Variants in ADCY8 observed in about 807,000 individuals in gnomAD.
The protein encoded by ADCY8 is adenylate cyclase type 8.
In ADCY8, 51 loss-of-function variants were observed where a neutral mutation model predicts 119.7. That is an observed-to-expected ratio of 0.43 (90% CI 0.34 to 0.54). ADCY8 has a LOEUF of 0.54. ADCY8 is among the 20% of genes least tolerant of loss of function. ADCY8 has a pLI of 0.03. For missense variants in ADCY8, 1,383 were observed against 1,598.8 expected (o/e 0.87, Z 2.30); for synonymous variants, 665 against 651.0 (o/e 1.02, Z -0.33).
intron 4 of ADCY8, among the ~76,000 whole-genome samples, chr8:130,939,665 C>G (rs1444962421): frequency 6.6e-6 from 1 of 152,200 alleles, no homozygotes; most frequent in Non-Finnish European, 1.5e-5. Context: ...ACTGAAGCCA[C>G]TGTATGTGGG....
chr8:130,899,041 C>T (rs1819504895), intron 7 of ADCY8, among the ~76,000 whole-genome samples: 1 of 152,202 alleles, frequency 6.6e-6, no homozygotes, highest in Non-Finnish European at 1.5e-5. Context: ...TTTCCCTGCT[C>T]ACTATGCTCT....
chr8:130,995,051 A>G (rs1422473422), intron 1 of ADCY8, among the ~76,000 whole-genome samples: 9 of 152,310 alleles, frequency 5.9e-5, no homozygotes, highest in African/African-American at 1.9e-4. Context: ...TTGTGGGGAA[A>G]ATAGTCACTC....
chr8:131,028,183 G>A (rs1208949897), intron 1 of ADCY8, among the ~76,000 whole-genome samples: 2 of 152,332 alleles, frequency 1.3e-5, no homozygotes, highest in East Asian at 3.9e-4. Flanking sequence ...AGCAAAAACA[G>A]GAGGAGAATT....
At chr8:130,930,537 C>T (rs1820602884) in intron 5 of ADCY8, among the ~76,000 whole-genome samples, 1 of 152,096 alleles carries the variant, frequency 6.6e-6, no homozygotes, top group South Asian at 2.1e-4. Context: ...AGGTGTGAGC[C>T]ACCGCGCCCA....
rs562645053 is a variant in ADCY8, at chr8:130,885,450, C to T, written c.1912-689G>A. Among the ~76,000 whole-genome samples the T allele has an allele frequency of 9.2e-5, 14 of 152,060 alleles. No homozygotes were observed. In the South Asian group the frequency reaches 2.5e-3, roughly 27 times the overall value. ...CACCATTTCACAGGGTTACACAGCACGAGACGGGGAAAGGCATAACCACCA... is the reference window on the plus strand; with the variant it reads ...CACCATTTCACAGGGTTACACAGCATGAGACGGGGAAAGGCATAACCACCA... On this transcript the variant is annotated intron_variant, in intron 7 of 17. Transcript: ENST00000286355.
intron 5 of ADCY8, among the ~76,000 whole-genome samples, chr8:130,910,430 A>G (rs778179266): frequency 3.0e-4 from 45 of 151,922 alleles, no homozygotes; most frequent in Non-Finnish European, 5.3e-4. Flanking sequence ...TCAGACCACC[A>G]TCATGCCTGA....
intron 14 of ADCY8, among the ~76,000 whole-genome samples, chr8:130,807,354 A>G (rs896193805): frequency 6.6e-6 from 1 of 152,224 alleles, no homozygotes; most frequent in South Asian, 2.1e-4. Flanking sequence ...CTCCTTAGAG[A>G]GAGCTTCCAT....
intron 6 of ADCY8, among the ~76,000 whole-genome samples, chr8:130,909,005 CTCTCTT>C (rs1819883576): frequency 8.0e-6 from 1 of 124,880 alleles, no homozygotes; most frequent in African/African-American, 3.0e-5. Context: ...CTCTCTCTCT[CTCTCTT>C]TCTCTATCTC....
intron 7 of ADCY8, among the ~76,000 whole-genome samples, chr8:130,887,374 C>T (rs751476160): frequency 6.6e-6 from 1 of 152,144 alleles, no homozygotes; most frequent in Non-Finnish European, 1.5e-5. Context: ...TCATCACCAC[C>T]ACCAAGTTAT....
At chr8:130,891,136 A>G (rs1043045450) in intron 7 of ADCY8, among the ~76,000 whole-genome samples, 8 of 152,126 alleles carry the variant, frequency 5.3e-5, no homozygotes, top group Admixed American at 1.3e-4. Context: ...GCACGCTTCC[A>G]TTACCCCTGT....
chr8:130,923,642 G>C (rs954325294), intron 5 of ADCY8, among the ~76,000 whole-genome samples: 2 of 152,136 alleles, frequency 1.3e-5, no homozygotes, highest in African/African-American at 2.4e-5. Flanking sequence ...TCTTCTCAAC[G>C]ATCAGGACTC....
intron 1 of ADCY8, among the ~76,000 whole-genome samples, chr8:131,031,733 A>G (rs1345524782): frequency 1.3e-5 from 2 of 152,292 alleles, no homozygotes; most frequent in Non-Finnish European, 2.9e-5. Flanking sequence ...ATGGTCCCTC[A>G]GTCTTGGAAT....
At chr8:130,968,238 C>A (rs578079107) in intron 2 of ADCY8, among the ~76,000 whole-genome samples, 3 of 151,670 alleles carry the variant, frequency 2.0e-5, no homozygotes, top group Admixed American at 2.0e-4. Context: ...TGGCGCATCT[C>A]CGCTCACTGC....
intron 14 of ADCY8, among the ~76,000 whole-genome samples, chr8:130,802,958 C>T (rs538237171): frequency 2.0e-5 from 3 of 152,332 alleles, no homozygotes; most frequent in Admixed American, 2.0e-4. Context: ...AATTTCCCAG[C>T]CGGATTAAGC....
intron 5 of ADCY8, among the ~76,000 whole-genome samples, chr8:130,921,199 T>A (rs531710152): frequency 6.6e-6 from 1 of 152,278 alleles, no homozygotes; most frequent in East Asian, 1.9e-4. Context: ...AACTACTCAA[T>A]TTCATCACAG....
chr8:131,000,038 G>A (rs889319606), intron 1 of ADCY8, among the ~76,000 whole-genome samples: 2 of 152,194 alleles, frequency 1.3e-5, no homozygotes, highest in Admixed American at 6.5e-5. Context: ...ATTAAGTGCA[G>A]AACACTTTAC....
chr8:130,968,642 C>T (rs553180818), intron 2 of ADCY8, among the ~76,000 whole-genome samples: 20 of 152,170 alleles, frequency 1.3e-4, no homozygotes, highest in Non-Finnish European at 1.9e-4. Flanking sequence ...GAATAACCCA[C>T]GATCAGTTTA....
chr8:130,997,709 T>C (rs1426326562), intron 1 of ADCY8, among the ~76,000 whole-genome samples: 1 of 152,224 alleles, frequency 6.6e-6, no homozygotes, highest in Non-Finnish European at 1.5e-5. Context: ...CAATTATTAC[T>C]ATTATTAATT....
At chr8:130,976,540 C>T (rs999430322) in intron 2 of ADCY8, among the ~76,000 whole-genome samples, 10 of 152,100 alleles carry the variant, frequency 6.6e-5, no homozygotes, top group Admixed American at 2.6e-4. Flanking sequence ...ATCTACATAG[C>T]GAATTCTTAG....
Sources: gnomAD v4.1 joint callset for allele counts (sites outside exome capture counted in the v4.1 genomes callset) on GRCh38, gnomAD v4.1.1 for gene constraint, MANE v1.5 for transcripts, NCBI Gene and HGNC (gene_info 2026-07-23, HGNC 2026-07-21) for gene names.